PTPRG: variants seen among roughly 807,000 people sequenced by gnomAD.
PTPRG encodes the protein protein tyrosine phosphatase receptor type G.
In PTPRG, 102 loss-of-function variants were observed where a neutral mutation model predicts 165.3. That is an observed-to-expected ratio of 0.62 (90% CI 0.53 to 0.73). PTPRG has a LOEUF of 0.73. Ranked by LOEUF, PTPRG falls within the 30% of genes least tolerant of loss-of-function variation. The probability of loss-of-function intolerance (pLI) is 0.00; values close to 1 mark genes in which losing one functional copy is unlikely to be tolerated. For missense variants in PTPRG, 1,866 were observed against 1,861.4 expected (o/e 1.00, Z -0.05); for synonymous variants, 675 against 669.5 (o/e 1.01, Z -0.13).
chr3:61,833,891 CA>C (rs2036384280), intron 2 of PTPRG, among the ~76,000 whole-genome samples: 1 of 152,152 alleles, frequency 6.6e-6, no homozygotes, highest in Non-Finnish European at 1.5e-5. Context: ...TATGGAAGCT[CA>C]TCTTTGAAAG....
At chr3:62,268,864 A>T (rs147340843) in intron 19 of PTPRG, among the ~76,000 whole-genome samples, 171 bp from the exon 20 acceptor site, 9 of 152,338 alleles carry the variant, frequency 5.9e-5, no homozygotes, top group African/African-American at 2.2e-4. Context: ...CCAAGCCATC[A>T]GCCTTGTCAG....
chr3:61,671,957 C>G (rs1258746986), intron 1 of PTPRG, among the ~76,000 whole-genome samples: 1 of 137,572 alleles, frequency 7.3e-6, no homozygotes, highest in Admixed American at 7.2e-5. Flanking sequence ...CTCCTCACTT[C>G]CCAGACGGGG....
intron 1 of PTPRG, among the ~76,000 whole-genome samples, chr3:61,619,731 G>T (rs1701397328): frequency 6.6e-6 from 1 of 152,172 alleles, no homozygotes; most frequent in African/African-American, 2.4e-5. Context: ...CAACAAGGAA[G>T]GTGAGCTATG....
chr3:61,786,398 C>G (rs1047170569), intron 2 of PTPRG, among the ~76,000 whole-genome samples: 1 of 152,108 alleles, frequency 6.6e-6, no homozygotes, highest in South Asian at 2.1e-4. Flanking sequence ...TGTATTTGGC[C>G]GTGGCTTGAC....
At chr3:62,247,769 C>T (rs1316158554) in intron 15 of PTPRG, among the ~76,000 whole-genome samples, 2 of 152,132 alleles carry the variant, frequency 1.3e-5, no homozygotes, top group Admixed American at 1.3e-4. Context: ...AAATAAATAG[C>T]TTGTATCTTT....
At chr3:62,137,481 G>T (rs1241014338) in intron 6 of PTPRG, among the ~76,000 whole-genome samples, 1 of 152,202 alleles carries the variant, frequency 6.6e-6, no homozygotes, top group African/African-American at 2.4e-5. Flanking sequence ...TGTGCAGCAT[G>T]TGGTCAGGCG....
intron 5 of PTPRG, among the ~76,000 whole-genome samples, chr3:62,094,986 T>G (rs1702062421): frequency 6.6e-6 from 1 of 152,204 alleles, no homozygotes; most frequent in Non-Finnish European, 1.5e-5. Flanking sequence ...TTCTGTGCCT[T>G]TATCTTCCAG....
chr3:62,021,671 G>C (rs1474039379), intron 4 of PTPRG, among the ~76,000 whole-genome samples: 1 of 151,938 alleles, frequency 6.6e-6, no homozygotes, highest in East Asian at 1.9e-4. Context: ...GAGAAGTTTG[G>C]GTTGCTATGC....
At chr3:61,894,414 G>T (rs1484149375) in intron 2 of PTPRG, among the ~76,000 whole-genome samples, 1 of 150,314 alleles carries the variant, frequency 6.7e-6, no homozygotes, top group Non-Finnish European at 1.5e-5. Flanking sequence ...GAAAAAGATG[G>T]TTTACTCTGT....
intron 2 of PTPRG, among the ~76,000 whole-genome samples, chr3:61,850,317 C>A (rs1264693054): frequency 1.3e-5 from 2 of 152,128 alleles, no homozygotes; most frequent in South Asian, 4.1e-4. Context: ...GCACCCACCA[C>A]CACACCCAGC....
chr3:62,201,616 C>G (rs1700097172), intron 11 of PTPRG, 62 bp downstream of exon 11: 3 of 1,529,402 alleles, frequency 2.0e-6, no homozygotes, highest in South Asian at 2.3e-5. Context: ...GCAGTTAAAA[C>G]TGTCACCACG....
At position 62,219,095 on chromosome 3, in the gene PTPRG, G is replaced by A; in HGVS notation, c.2288+112G>A. On this transcript the variant is annotated intron_variant, in intron 13 of 29. Coordinates refer to ENST00000474889, the MANE Select transcript of PTPRG (RefSeq NM_002841.4). The surrounding 1 kb of genome is among the most constrained non-coding windows in gnomAD (Gnocchi z 4.5). ...CATTCAGGAAGGTGAGGTAGCTTAAGTGTTTCTGGTCTTGCCACCCGGAAG... is the reference window on the plus strand; with the variant it reads ...CATTCAGGAAGGTGAGGTAGCTTAAATGTTTCTGGTCTTGCCACCCGGAAG... 7.0e-7 allele frequency: 1 copy of A among 1,422,064 alleles called. No individual in the cohort carries two copies. Among genetic ancestry groups the A allele is most frequent in the South Asian group, 1.4e-5 (1 of 72,770 alleles). The allele number at this position is 1,422,064 out of a possible 1,614,324, so 88.1% of individuals were successfully genotyped here. A position where few individuals can be genotyped will look rare whatever the true frequency, so the allele number is the denominator to read the frequency against.
At chr3:61,750,789 C>A (rs942297623) in intron 2 of PTPRG, 1 of 152,184 alleles carries the variant, frequency 6.6e-6, no homozygotes, top group Admixed American at 6.5e-5. Context: ...AGGAAATATT[C>A]TTCTTTTGAT....
intron 2 of PTPRG, among the ~76,000 whole-genome samples, chr3:61,883,103 T>A (rs575645053): frequency 2.5e-5 from 3 of 120,648 alleles, no homozygotes; most frequent in African/African-American, 7.8e-5. Flanking sequence ...ACAGGTGAGG[T>A]GTTCAAGCTG....
intron 1 of PTPRG, among the ~76,000 whole-genome samples, chr3:61,603,441 C>T (rs1178390706): frequency 5.3e-5 from 8 of 152,188 alleles, no homozygotes; most frequent in Admixed American, 5.2e-4. Context: ...CTCCTTGAGG[C>T]TTCACCGGAA....
intron 1 of PTPRG, among the ~76,000 whole-genome samples, chr3:61,704,820 A>G (rs911407397): frequency 9.2e-5 from 14 of 152,194 alleles, no homozygotes; most frequent in Admixed American, 5.9e-4. Flanking sequence ...TCTGAGATGA[A>G]CTGCATTTGT....
At chr3:61,861,733 CAG>C (rs1357183691) in intron 2 of PTPRG, among the ~76,000 whole-genome samples, 2 of 152,168 alleles carry the variant, frequency 1.3e-5, no homozygotes, top group African/African-American at 2.4e-5. Context: ...TCAATCAATG[CAG>C]AGTTTCTTCA....
intron 1 of PTPRG, among the ~76,000 whole-genome samples, chr3:61,575,342 G>A (rs1700150969): frequency 6.6e-6 from 1 of 152,004 alleles, no homozygotes; most frequent in African/African-American, 2.4e-5. Context: ...TGGGGTTGAG[G>A]GAATGAGACT....
At chr3:61,943,105 T>C (rs1416284665) in intron 2 of PTPRG, among the ~76,000 whole-genome samples, 1 of 152,090 alleles carries the variant, frequency 6.6e-6, no homozygotes, top group African/African-American at 2.4e-5. Flanking sequence ...TCATGACAAC[T>C]TTTTTTTCCT....
Sources: allele counts gnomAD v4.1 joint callset (sites outside exome capture counted in the v4.1 genomes callset), GRCh38; gene constraint gnomAD v4.1.1; non-coding constraint Gnocchi (gnomAD v3.1); transcripts MANE v1.5; gene names NCBI Gene and HGNC (gene_info 2026-07-23, HGNC 2026-07-21).